KLF8: variants seen among roughly 807,000 people sequenced by gnomAD.
The protein encoded by KLF8 is KLF transcription factor 8.
A neutral mutation model predicts 18.2 loss-of-function variants in KLF8; 10 were observed. The ratio of observed to expected loss-of-function variants is 0.55; its 90% CI spans 0.34 to 0.93. The LOEUF (loss-of-function observed/expected upper bound fraction) is 0.93, where lower values mean the gene tolerates loss of function less well. Among genes scored for constraint, KLF8 ranks in the 40% least tolerant of loss-of-function variants. The pLI is 0.02. For missense variants in KLF8, 264 were observed against 277.9 expected, an observed-to-expected ratio of 0.95 and a Z score of 0.36; for synonymous variants, 109 against 97.3, an observed-to-expected ratio of 1.12 and a Z score of -0.71.
chrX:56,280,207 C>T (rs370189088), intron 5 of KLF8, among the ~76,000 whole-genome samples: 1 of 112,052 alleles, frequency 8.9e-6, no homozygotes, highest in Admixed American at 9.4e-5. Flanking sequence ...TTTTCCCAGG[C>T]TCCAAATGTA....
At chrX:56,106,672 C>G in the KLF8 span, among the ~76,000 whole-genome samples, 30 of 112,102 alleles carry the variant, frequency 2.7e-4, no homozygotes, top group Non-Finnish European at 4.7e-4. Context: ...TCCTTTAGCT[C>G]ATAGAAGTTT....
the KLF8 span, among the ~76,000 whole-genome samples, chrX:55,934,144 G>A: frequency 8.9e-6 from 1 of 111,902 alleles, no homozygotes; most frequent in Admixed American, 9.5e-5. Flanking sequence ...AAATGGCTTA[G>A]AACATCTACA....
At chrX:56,210,408 G>A in the KLF8 span, among the ~76,000 whole-genome samples, 4 of 111,894 alleles carry the variant, frequency 3.6e-5, no homozygotes, top group Non-Finnish European at 5.6e-5. Flanking sequence ...TTCTGCCAGA[G>A]GAATTGGAGC....
the KLF8 span, among the ~76,000 whole-genome samples, chrX:55,925,996 T>A: frequency 8.9e-6 from 1 of 112,074 alleles, no homozygotes; most frequent in East Asian, 2.8e-4. Flanking sequence ...CATTATCCTT[T>A]GTGTTATAAA....
chrX:56,163,215 G>A, the KLF8 span, among the ~76,000 whole-genome samples: 2 of 111,752 alleles, frequency 1.8e-5, no homozygotes, highest in Admixed American at 9.5e-5. Context: ...CACCAACAGT[G>A]TAGAAGCATT....
chrX:56,158,947 G>A, the KLF8 span, among the ~76,000 whole-genome samples: 1 of 111,604 alleles, frequency 9.0e-6, no homozygotes, highest in Non-Finnish European at 1.9e-5. Flanking sequence ...GTGAGAGAGG[G>A]CATCCCTGTC....
chrX:56,233,311 C>G lies in KLF8; in HGVS notation c.-24C>G. The G allele has an allele frequency of 8.3e-7, 1 of 1,205,634 alleles. No individual in the cohort carries two copies. ...CGGAGGACGGCATGAGTTCTGGACA[C>G]TTCAGGAGTCCTCAGCTAGTGACAT... On this transcript the variant is annotated 5_prime_UTR_variant, in exon 1 of 6. Transcript: ENST00000468660.
chrX:56,270,237 C>T lies in KLF8; in HGVS notation c.814C>T (p.Arg272Trp), dbSNP rs756827184. 5 of 1,194,751 alleles carry T rather than the reference C, an allele frequency of 4.2e-6. No individual in the cohort carries two copies. Among genetic ancestry groups the T allele is most frequent in the South Asian group, 1.8e-5 (1 of 56,601 alleles). ...AGAGTCGCTTGACTTGAAGAGAAGA[C>T]GGATTCACCAATGTGACTTTGCAGG... ...GEESLDLKRR[R>W]IHQCDFAGCS... is the part of the protein sequence containing the mutation. Residue 272 changes from arginine (R) to tryptophan (W), a missense_variant, in exon 5 of 6, where the codon CGG (arginine) becomes TGG (tryptophan). This residue lies in a region of KLF8 where 43 missense variants were observed against 84.3 expected (regional missense o/e 0.51). Transcript: ENST00000468660.
At chrX:56,194,578 C>T in the KLF8 span, among the ~76,000 whole-genome samples, 1 of 112,566 alleles carries the variant, frequency 8.9e-6, no homozygotes, top group African/African-American at 3.2e-5. Flanking sequence ...GGGCAGAGCC[C>T]ACTGCAGCTC....
At chrX:56,052,874 G>A in the KLF8 span, among the ~76,000 whole-genome samples, 14 of 111,421 alleles carry the variant, frequency 1.3e-4, no homozygotes, top group Admixed American at 3.8e-4. Context: ...AGCCTCCTGC[G>A]GCCTTGCAGT....
the KLF8 span, among the ~76,000 whole-genome samples, chrX:56,147,874 A>G: frequency 8.9e-6 from 1 of 111,939 alleles, no homozygotes; most frequent in Non-Finnish European, 1.9e-5. Flanking sequence ...GCTACTCAGG[A>G]GGCTGAGTCA....
At chrX:55,912,654 C>T in the KLF8 span, among the ~76,000 whole-genome samples, 2 of 110,890 alleles carry the variant, frequency 1.8e-5, no homozygotes, top group Non-Finnish European at 3.8e-5. Context: ...AGAGATCCAT[C>T]GTCTCCTGTA....
At chrX:56,064,345 C>T in the KLF8 span, among the ~76,000 whole-genome samples, 2 of 108,617 alleles carry the variant, frequency 1.8e-5, no homozygotes, top group South Asian at 3.9e-4. Flanking sequence ...CTCCTGCTTG[C>T]TTTTGGTTTT....
chrX:56,154,304 T>G, the KLF8 span, among the ~76,000 whole-genome samples: 1 of 110,903 alleles, frequency 9.0e-6, no homozygotes, highest in African/African-American at 3.3e-5. Flanking sequence ...ATACCACACA[T>G]CTATAACTAT....
chrX:56,058,711 A>G, the KLF8 span, among the ~76,000 whole-genome samples: 1 of 110,644 alleles, frequency 9.0e-6, no homozygotes, highest in African/African-American at 3.3e-5. Context: ...CATATACTCT[A>G]TGGTGTATAT....
chrX:55,994,474 G>T, the KLF8 span, among the ~76,000 whole-genome samples: 1 of 108,416 alleles, frequency 9.2e-6, no homozygotes, highest in Non-Finnish European at 1.9e-5. Flanking sequence ...TAGCTTTGGG[G>T]TTGATTTGGT....
chrX:56,042,312 G>A, the KLF8 span, among the ~76,000 whole-genome samples: 2 of 111,795 alleles, frequency 1.8e-5, no homozygotes, highest in South Asian at 3.7e-4. Flanking sequence ...GAATTTTTTA[G>A]TAAGTGCCAT....
the KLF8 span, among the ~76,000 whole-genome samples, chrX:56,113,283 G>T: frequency 9.4e-6 from 1 of 106,763 alleles, no homozygotes; most frequent in Non-Finnish European, 1.9e-5. Flanking sequence ...ATTTTTTCCT[G>T]TAAATAGGCC....
chrX:56,106,784 A>G, the KLF8 span, among the ~76,000 whole-genome samples: 13 of 112,059 alleles, frequency 1.2e-4, no homozygotes, highest in Non-Finnish European at 9.4e-5. Flanking sequence ...CCTTTGGAGG[A>G]GAAAAGGTGC....
Sources: gnomAD v4.1 joint callset for allele counts (sites outside exome capture counted in the v4.1 genomes callset) on GRCh38, gnomAD v4.1.1 for gene constraint, gnomAD v4.1.1 regional missense constraint, MANE v1.5 for transcripts, NCBI Gene and HGNC (gene_info 2026-07-23, HGNC 2026-07-21) for gene names.